The following NBEA variants were observed in gnomAD, a reference collection of about 807,000 sequenced individuals.
NBEA encodes lysosomal-trafficking regulator 2.
A neutral mutation model predicts 343.4 loss-of-function variants in NBEA; 44 were observed. The ratio of observed to expected loss-of-function variants is 0.13; its 90% CI spans 0.10 to 0.16. The LOEUF (loss-of-function observed/expected upper bound fraction) is 0.16. Among genes scored for constraint, NBEA ranks in the 10% least tolerant of loss-of-function variants. The probability of loss-of-function intolerance (pLI) is 1.00; values close to 1 mark genes in which losing one functional copy is unlikely to be tolerated. For missense variants in NBEA, 2,555 were observed against 3,631.3 expected, an observed-to-expected ratio of 0.70 and a Z score of 7.62; for synonymous variants, 1,175 against 1,238.7, an observed-to-expected ratio of 0.95 and a Z score of 1.08.
chr13:34,997,287 A>G (rs1471430669), intron 1 of NBEA, among the ~76,000 whole-genome samples: 3 of 152,196 alleles, frequency 2.0e-5, no homozygotes, highest in African/African-American at 7.2e-5. Flanking sequence ...AGTAGTTTAA[A>G]CAGTATCCAT....
intron 49 of NBEA, among the ~76,000 whole-genome samples, chr13:35,631,662 T>A (rs1257108528): frequency 1.9e-5 from 2 of 106,472 alleles, no homozygotes; most frequent in Admixed American, 9.3e-5. Context: ...AAAAAAAAAA[T>A]TCTACTACTT....
At chr13:35,225,166 C>G (rs914560982) in intron 33 of NBEA, among the ~76,000 whole-genome samples, 6 of 152,072 alleles carry the variant, frequency 3.9e-5, no homozygotes, top group African/African-American at 7.2e-5. Flanking sequence ...GCCTGGTGTT[C>G]AAGGGTTCTC....
At chr13:34,966,249 C>A (rs1172152610) in intron 1 of NBEA, among the ~76,000 whole-genome samples, 3 of 151,992 alleles carry the variant, frequency 2.0e-5, no homozygotes, top group Admixed American at 1.3e-4. Context: ...CATGTAGATT[C>A]ATCTGATTGG....
At chr13:35,600,872 T>A (rs2153047811) in intron 47 of NBEA, among the ~76,000 whole-genome samples, 1 of 152,216 alleles carries the variant, frequency 6.6e-6, no homozygotes, top group South Asian at 2.1e-4. Context: ...ATGAGGTTCC[T>A]CTTCTTTAAG....
chr13:35,546,858 T>A (rs2079087867), intron 41 of NBEA, among the ~76,000 whole-genome samples: 1 of 152,130 alleles, frequency 6.6e-6, no homozygotes, highest in Non-Finnish European at 1.5e-5. Context: ...CGGCCTAAAA[T>A]TTTTTTAAAT....
chr13:35,189,786 T>C (rs994108815), intron 30 of NBEA, among the ~76,000 whole-genome samples: 4 of 152,020 alleles, frequency 2.6e-5, no homozygotes, highest in African/African-American at 9.7e-5. Context: ...TTATTTAAAA[T>C]AAGAACACTG....
chr13:35,145,290 G>A (rs192877040), intron 18 of NBEA, among the ~76,000 whole-genome samples: 15 of 152,212 alleles, frequency 9.9e-5, no homozygotes, highest in African/African-American at 2.6e-4. Flanking sequence ...TTGCTTCTTC[G>A]GTTGTAGAGG....
At chr13:35,060,195 A>G (rs1318764402) in intron 8 of NBEA, among the ~76,000 whole-genome samples, 5 of 151,884 alleles carry the variant, frequency 3.3e-5, no homozygotes, top group Non-Finnish European at 5.9e-5. Flanking sequence ...ATAAGAAGGT[A>G]GAATATCAAG....
At chr13:35,151,184 C>CT (rs1404992217) in intron 18 of NBEA, among the ~76,000 whole-genome samples, 1 of 149,810 alleles carries the variant, frequency 6.7e-6, no homozygotes, top group East Asian at 2.0e-4. Flanking sequence ...AGGATAAAGA[C>CT]TATGTTATAG....
intron 38 of NBEA, among the ~76,000 whole-genome samples, chr13:35,384,795 G>A (rs2042169164): frequency 6.6e-6 from 1 of 152,026 alleles, no homozygotes; most frequent in Non-Finnish European, 1.5e-5. Flanking sequence ...CAAAGTGGTA[G>A]GATTATAGGC....
At chr13:35,665,052 C>A in intron 55 of NBEA, 33 bp from the exon 56 acceptor site, 1 of 1,440,516 alleles carries the variant, frequency 6.9e-7, no homozygotes, top group Non-Finnish European at 9.6e-7. Flanking sequence ...TGCTATTGGT[C>A]TGTAGTGCCT....
intron 36 of NBEA, among the ~76,000 whole-genome samples, chr13:35,348,186 T>G (rs1365790209): frequency 6.6e-6 from 1 of 152,110 alleles, no homozygotes; most frequent in African/African-American, 2.4e-5. Context: ...CTGCCACATG[T>G]TATTAAAGAA....
At chr13:35,025,122 G>A (rs2061974227) in intron 1 of NBEA, among the ~76,000 whole-genome samples, 1 of 151,964 alleles carries the variant, frequency 6.6e-6, no homozygotes, top group African/African-American at 2.4e-5. Context: ...CATTCTTTAG[G>A]TTGTCTGCTT....
At chr13:35,492,405 CA>C (rs1405557458) in intron 41 of NBEA, among the ~76,000 whole-genome samples, 5 of 151,534 alleles carry the variant, frequency 3.3e-5, no homozygotes, top group Non-Finnish European at 7.4e-5. Context: ...TGAAGTGATG[CA>C]AGAAAAAATT....
chr13:35,486,906 A>T (rs1256398098), intron 41 of NBEA, among the ~76,000 whole-genome samples: 3 of 152,010 alleles, frequency 2.0e-5, no homozygotes, highest in Non-Finnish European at 1.5e-5. Flanking sequence ...CACCTAGATA[A>T]CCACTTCATT....
intron 39 of NBEA, among the ~76,000 whole-genome samples, chr13:35,441,796 G>A (rs1470882470): frequency 3.4e-5 from 5 of 147,148 alleles, no homozygotes; most frequent in African/African-American, 1.0e-4. Flanking sequence ...AATGGAAAAA[G>A]GTTAAAACTC....
At chr13:35,565,617 C>T (rs950175131) in intron 44 of NBEA, among the ~76,000 whole-genome samples, 14 of 152,166 alleles carry the variant, frequency 9.2e-5, no homozygotes, top group African/African-American at 2.4e-4. Flanking sequence ...TGGATCATAA[C>T]GCATTTTTAT....
At chr13:35,442,983 T>C (rs1471957231) in intron 39 of NBEA, among the ~76,000 whole-genome samples, 1 of 152,126 alleles carries the variant, frequency 6.6e-6, no homozygotes, top group Non-Finnish European at 1.5e-5. Flanking sequence ...GCAAGTATCC[T>C]TGATGTCCTT....
intron 39 of NBEA, among the ~76,000 whole-genome samples, chr13:35,432,609 T>G (rs560179935): frequency 3.2e-4 from 49 of 152,222 alleles, no homozygotes; most frequent in African/African-American, 1.1e-3. Flanking sequence ...TTCAACTTAT[T>G]TTTAAGAGCT....
Sources: gnomAD v4.1 joint callset for allele counts (sites outside exome capture counted in the v4.1 genomes callset) on GRCh38, gnomAD v4.1.1 for gene constraint, MANE v1.5 for transcripts, NCBI Gene and HGNC (gene_info 2026-07-23, HGNC 2026-07-21) for gene names.